The following NXT2 variants were observed in gnomAD, a reference collection of about 807,000 sequenced individuals.
NXT2 encodes NTF2-related export protein 2.
A neutral mutation model predicts 9.6 loss-of-function variants in NXT2; 1 was observed. The observed-to-expected ratio is 0.10, with a 90% CI of 0.04 to 0.49. The LOEUF (loss-of-function observed/expected upper bound fraction) is 0.49. NXT2 is among the 20% of genes least tolerant of loss of function. The pLI, the probability that NXT2 is intolerant of heterozygous loss-of-function variation, is 0.95. For missense variants in NXT2, 48 were observed against 100.3 expected (o/e 0.48, Z 2.23); for synonymous variants, 22 against 35.4 (o/e 0.62, Z 1.34).
At chrX:109,536,823 C>G, upstream of NXT2, 1 of 1,103,330 alleles carries the variant, frequency 9.1e-7, no homozygotes, top group Non-Finnish European at 1.2e-6. Flanking sequence ...AAGGTTGGAA[C>G]ATCGGTGTGC....
intron 2 of NXT2, among the ~76,000 whole-genome samples, chrX:109,538,641 A>G: frequency 1.8e-5 from 2 of 110,956 alleles, no homozygotes; most frequent in Middle Eastern, 9.3e-3. Flanking sequence ...TGTAGCATGG[A>G]TAATATTAAG....
intron 2 of NXT2, 68 bp downstream of exon 2, chrX:109,538,199 G>A: frequency 1.4e-6 from 1 of 706,644 alleles, no homozygotes; most frequent in Non-Finnish European, 2.1e-6. Context: ...GTTGTGTCTG[G>A]AGCCAGCGTT....
At chrX:109,536,029 G>C, upstream of NXT2, 3 of 992,609 alleles carry the variant, frequency 3.0e-6, no homozygotes, top group Non-Finnish European at 4.2e-6. Context: ...AGTCATTGGC[G>C]GCTTTGGGAT....
chrX:109,542,444 G>C (rs1273518661), intron 3 of NXT2, 63 bp from the exon 4 acceptor site: 2 of 1,018,104 alleles, frequency 2.0e-6, no homozygotes, highest in Non-Finnish European at 2.6e-6. Context: ...TTTTAAGCCT[G>C]AAAATCTGCT....
At chrX:109,542,477 T>G in intron 3 of NXT2, 30 bp from the exon 4 acceptor site, 2 of 1,126,637 alleles carry the variant, frequency 1.8e-6, no homozygotes, top group East Asian at 3.1e-5. Context: ...GAAAATGATG[T>G]GTTCTCTTTT....
intron 2 of NXT2, among the ~76,000 whole-genome samples, chrX:109,540,809 G>A (rs1401087046): frequency 9.0e-6 from 1 of 111,393 alleles, no homozygotes; most frequent in Admixed American, 9.6e-5. Flanking sequence ...TACTATAGCC[G>A]AGCATGGTAT....
chrX:109,540,764 A>G (rs1933401807), intron 2 of NXT2, among the ~76,000 whole-genome samples: 1 of 111,676 alleles, frequency 9.0e-6, no homozygotes, highest in South Asian at 3.7e-4. Context: ...GCAAGTACTC[A>G]TGATTCTTTT....
At chrX:109,537,766 G>T (rs1933317141) in intron 1 of NXT2, among the ~76,000 whole-genome samples, 1 of 112,039 alleles carries the variant, frequency 8.9e-6, no homozygotes, top group Non-Finnish European at 1.9e-5. Context: ...GTGCTTAGTT[G>T]CCAAGAAAAG....
intron 2 of NXT2, among the ~76,000 whole-genome samples, chrX:109,540,336 AT>A (rs944366861): frequency 9.3e-6 from 1 of 107,416 alleles, no homozygotes; most frequent in African/African-American, 3.4e-5. Flanking sequence ...TTATTTATTT[AT>A]TTTTTTTTGA....
At chrX:109,536,127 C>T (rs986273363), upstream of NXT2, 15 of 424,610 alleles carry the variant, frequency 3.5e-5, no homozygotes, top group African/African-American at 1.8e-4. Context: ...AGTTTGTGAC[C>T]GTAGGCAGAT....
chrX:109,539,582 G>A (rs920300319), intron 2 of NXT2, among the ~76,000 whole-genome samples: 1 of 108,770 alleles, frequency 9.2e-6, no homozygotes, highest in African/African-American at 3.4e-5. Context: ...GGCGTGAGAT[G>A]GTATCTCATT....
At chrX:109,535,873 G>T, upstream of NXT2, 3 of 1,151,366 alleles carry the variant, frequency 2.6e-6, no homozygotes, top group Non-Finnish European at 3.5e-6. Context: ...TAAAGAGAAA[G>T]ATTAAAAGTA....
rs1933330331 is a variant in NXT2, at chrX:109,538,223, AT to A, written c.102+93del. On this transcript the variant is annotated intron_variant, in intron 2 of 3. Coordinates refer to ENST00000372106, the MANE Select transcript of NXT2 (RefSeq NM_001242617.2). ...GGAGCCAGCGTTTCATCTGACTTGC[AT>A]AAGTGGTAACTGTGGATTTACTCTT... 7.0e-6 allele frequency: 4 copies of A among 571,571 alleles called. No homozygotes were observed. The East Asian group carries it at 1.4e-4, about 20-fold the overall frequency. 47.1% of individuals were successfully genotyped at this position (571,571 alleles called of 1,213,427 possible).
upstream of NXT2, chrX:109,536,808 A>C: frequency 9.2e-6 from 10 of 1,084,136 alleles, no homozygotes; most frequent in Non-Finnish European, 1.1e-5. Context: ...AGGGAAGTGG[A>C]ACTTAAGGTT....
chrX:109,539,061 C>T (rs1168657051), intron 2 of NXT2, among the ~76,000 whole-genome samples: 1 of 110,830 alleles, frequency 9.0e-6, no homozygotes. Context: ...TGTGATGTTC[C>T]CTTCCCTGTG....
chrX:109,538,196 C>A (rs1603390966), intron 2 of NXT2, 65 bp downstream of exon 2: 1 of 715,297 alleles, frequency 1.4e-6, no homozygotes, highest in South Asian at 2.7e-5. Flanking sequence ...CAGGTTGTGT[C>A]TGGAGCCAGC....
At chrX:109,538,190 T>C (rs1014246939) in intron 2 of NXT2, 59 bp downstream of exon 2, 1 of 755,458 alleles carries the variant, frequency 1.3e-6, no homozygotes, top group South Asian at 2.5e-5. Flanking sequence ...AAATACCAGG[T>C]TGTGTCTGGA....
In NXT2 at chrX:109,541,334, A is replaced by C. The variant is rs1933413963; in HGVS notation, c.103-141A>C. 1.1e-5 allele frequency: 5 copies of C among 446,981 alleles called. No homozygotes were observed. The East Asian group carries it at 1.9e-4, about 17-fold the overall frequency. 36.8% of individuals were successfully genotyped at this position (446,981 alleles called of 1,213,427 possible). A position where few individuals can be genotyped will look rare whatever the true frequency, so the allele number is the denominator to read the frequency against. Reference sequence around the variant, plus strand: ...TTTTGTTCACATGGGTTTCCAGTGGAGATGGAGCAAGGGGAGTGGAGATGA... The same window carrying C: ...TTTTGTTCACATGGGTTTCCAGTGGCGATGGAGCAAGGGGAGTGGAGATGA... On this transcript the variant is annotated intron_variant, in intron 2 of 3. Coordinates refer to ENST00000372106, the MANE Select transcript of NXT2 (RefSeq NM_001242617.2).
Position 109,537,032 on chromosome X carries a change from G to C in NXT2, c.15+11G>C, listed in dbSNP as rs1421296580. 3.3e-6 allele frequency: 4 copies of C among 1,203,798 alleles called. No individual in the cohort carries two copies. Among genetic ancestry groups the C allele is most frequent in the Non-Finnish European group, 4.5e-6 (4 of 891,628 alleles). On this transcript the variant is annotated intron_variant, in intron 1 of 3. Coordinates refer to ENST00000372106, the MANE Select transcript of NXT2 (RefSeq NM_001242617.2). ...ATGGCCACGTCTCTGGTGAGTGCCT[G>C]GGCCGTGGCAGGACGGCTGGGCGCC...
Sources: gnomAD v4.1 joint callset for allele counts (sites outside exome capture counted in the v4.1 genomes callset) on GRCh38, gnomAD v4.1.1 for gene constraint, MANE v1.5 for transcripts, NCBI Gene and HGNC (gene_info 2026-07-23, HGNC 2026-07-21) for gene names.